The following SDK2 variants were observed in gnomAD, a reference collection of about 807,000 sequenced individuals.
The protein encoded by SDK2 is protein sidekick-2.
Under a neutral mutation model 253.9 loss-of-function variants are expected in SDK2, and 105 were observed. The ratio of observed to expected loss-of-function variants is 0.41; its 90% CI spans 0.35 to 0.49. The LOEUF is 0.49. SDK2 is among the 20% of genes least tolerant of loss of function. The pLI is 0.06. For synonymous variants in SDK2, 1,249 were observed against 1,234.9 expected (o/e 1.01, Z -0.24); for missense variants, 2,608 against 3,003.0 (o/e 0.87, Z 3.07).
chr17:73,593,097 C>T (rs976274273), intron 1 of SDK2, among the ~76,000 whole-genome samples: 5 of 152,088 alleles, frequency 3.3e-5, no homozygotes, highest in Admixed American at 6.5e-5. Flanking sequence ...GCGCAAATGC[C>T]GTCCCTCCTC....
intron 1 of SDK2, among the ~76,000 whole-genome samples, chr17:73,596,974 T>A (rs983783991): frequency 3.3e-5 from 5 of 152,144 alleles, no homozygotes; most frequent in Admixed American, 2.0e-4. Flanking sequence ...GGGACTCTGG[T>A]CGGGAGTCCG....
At chr17:73,340,736 T>TTTG (rs2062427893) in intron 44 of SDK2, among the ~76,000 whole-genome samples, 1 of 118,284 alleles carries the variant, frequency 8.5e-6, no homozygotes, top group Admixed American at 8.8e-5. Flanking sequence ...ACCTTAAAGT[T>TTTG]TTTTTTTTTT....
At position 73,431,045 on chromosome 17, in the gene SDK2, G is replaced by T. The variant is rs1298111236; in HGVS notation, c.1481-432C>A. Among the ~76,000 whole-genome samples, 1 of 152,212 alleles carries T rather than the reference G, an allele frequency of 6.6e-6. No individual in the cohort carries two copies. The highest frequency in any genetic ancestry group is 2.4e-5 in the African/African-American group (1 of 41,456). On this transcript the variant is annotated intron_variant, in intron 11 of 44. Transcript: ENST00000392650. This position sits in a 1 kb window ranked among gnomAD's most constrained non-coding sequence, Gnocchi z 5.6. ...AGGCTGGGGGCCAAATCCGGCAGGT[G>T]GCCTTTTTGGCTAAATAAACCCTTA... is the stretch of plus-strand genomic sequence containing the variant.
Position 73,396,957 on chromosome 17 carries a change from G to A in SDK2, c.3354+1078C>T, listed in dbSNP as rs931056038. ...CTGCAATCAATAACTCATATTTATC[G>A]AGGACTGACGGCGCCAAGCGCTTTC... On this transcript the variant is annotated intron_variant, in intron 24 of 44. Transcript: ENST00000392650. Among the ~76,000 whole-genome samples the A allele has an allele frequency of 3.9e-5, 6 of 152,356 alleles. No homozygotes were observed. In the East Asian group the frequency reaches 5.8e-4, roughly 15 times the overall value.
chr17:73,464,634 C>T (rs1483456533), intron 3 of SDK2, among the ~76,000 whole-genome samples: 4 of 152,344 alleles, frequency 2.6e-5, no homozygotes, highest in East Asian at 3.9e-4. Context: ...TGGCCTCAGA[C>T]ACCCACATCT....
At chr17:73,339,374 G>A (rs2062413640) in intron 44 of SDK2, among the ~76,000 whole-genome samples, 1 of 151,786 alleles carries the variant, frequency 6.6e-6, no homozygotes, top group Admixed American at 6.6e-5. Flanking sequence ...TGACAGACAT[G>A]TGCCACCACG....
intron 12 of SDK2, among the ~76,000 whole-genome samples, chr17:73,428,911 C>T (rs769495725): frequency 1.2e-4 from 18 of 152,052 alleles, no homozygotes; most frequent in African/African-American, 2.9e-4. Flanking sequence ...TGGTTAATTC[C>T]GTTTAAGGCG....
chr17:73,462,557 T>C (rs1412600848), intron 3 of SDK2, among the ~76,000 whole-genome samples: 2 of 152,120 alleles, frequency 1.3e-5, no homozygotes, highest in African/African-American at 4.8e-5. Context: ...TGTATGCATG[T>C]ATGTTTGTAT....
chr17:73,464,805 C>A (rs1419072969), intron 3 of SDK2, among the ~76,000 whole-genome samples: 1 of 152,238 alleles, frequency 6.6e-6, no homozygotes, highest in Non-Finnish European at 1.5e-5. Context: ...CCCCATCCTC[C>A]AAACCTCTCG....
intron 1 of SDK2, among the ~76,000 whole-genome samples, chr17:73,527,296 G>A (rs1346975043): frequency 6.6e-6 from 1 of 152,238 alleles, no homozygotes; most frequent in African/African-American, 2.4e-5. Flanking sequence ...GAAATGCAAC[G>A]TGAAGCAGGG....
chr17:73,446,119 C>T (rs1269832458), intron 5 of SDK2, among the ~76,000 whole-genome samples: 1 of 152,186 alleles, frequency 6.6e-6, no homozygotes, highest in African/African-American at 2.4e-5. Flanking sequence ...TAGGAGGATG[C>T]CTGGCTTTGA....
chr17:73,369,032 T>G, intron 36 of SDK2: 1 of 351,796 alleles, frequency 2.8e-6, no homozygotes, highest in South Asian at 2.3e-5. Flanking sequence ...AAAAAGAATT[T>G]AAGAACTGTT....
intron 36 of SDK2, among the ~76,000 whole-genome samples, chr17:73,375,768 A>G (rs972244021): frequency 6.6e-6 from 1 of 151,398 alleles, no homozygotes; most frequent in African/African-American, 2.4e-5. Flanking sequence ...AGGTGGGAGA[A>G]TCACTTGAAC....
intron 17 of SDK2, 131 bp downstream of exon 17, chr17:73,415,680 A>C: frequency 1.4e-6 from 1 of 723,646 alleles, no homozygotes; most frequent in Non-Finnish European, 2.2e-6. Context: ...GTAGAGATGG[A>C]GTCTCCCTAT....
intron 22 of SDK2, 41 bp from the exon 23 acceptor site, chr17:73,398,470 G>T: frequency 6.5e-7 from 1 of 1,547,606 alleles, no homozygotes; most frequent in Non-Finnish European, 8.9e-7. Flanking sequence ...AGCCTACAGG[G>T]CCCACACGGG....
At chr17:73,568,942 G>A (rs987224265) in intron 1 of SDK2, among the ~76,000 whole-genome samples, 7 of 152,046 alleles carry the variant, frequency 4.6e-5, no homozygotes, top group Non-Finnish European at 8.8e-5. Flanking sequence ...GTGCACACAG[G>A]GGGCAAAGGT....
At chr17:73,436,566 G>A (rs2063370217) in intron 8 of SDK2, among the ~76,000 whole-genome samples, 1 of 115,066 alleles carries the variant, frequency 8.7e-6, no homozygotes, top group Admixed American at 1.2e-4. Context: ...AACAGAGTGA[G>A]ACTCAGTCTC....
intron 1 of SDK2, among the ~76,000 whole-genome samples, chr17:73,553,299 C>G (rs1324376170): frequency 1.3e-5 from 2 of 152,184 alleles, no homozygotes; most frequent in Admixed American, 6.5e-5. Flanking sequence ...ATTGATAGAC[C>G]ATTCTCACTG....
At chr17:73,407,174 G>C (rs2063086053) in intron 18 of SDK2, among the ~76,000 whole-genome samples, 1 of 152,200 alleles carries the variant, frequency 6.6e-6, no homozygotes, top group African/African-American at 2.4e-5. Flanking sequence ...TAAAACTGTG[G>C]TATCTAACTA....
Sources: gnomAD v4.1 joint callset for allele counts (sites outside exome capture counted in the v4.1 genomes callset) on GRCh38, gnomAD v4.1.1 for gene constraint, Gnocchi (gnomAD v3.1) non-coding constraint, MANE v1.5 for transcripts, NCBI Gene and HGNC (gene_info 2026-07-23, HGNC 2026-07-21) for gene names.